The following CMPK1 variants were observed in gnomAD, a reference collection of about 807,000 sequenced individuals.
CMPK1 encodes cytidine/uridine monophosphate kinase 1.
A neutral mutation model predicts 25.7 loss-of-function variants in CMPK1; 10 were observed. The ratio of observed to expected loss-of-function variants is 0.39; its 90% CI spans 0.24 to 0.66. The LOEUF is 0.66. CMPK1 is among the 30% of genes least tolerant of loss of function. The pLI, the probability that CMPK1 is intolerant of heterozygous loss-of-function variation, is 0.48. For missense variants in CMPK1, 199 were observed against 280.5 expected, an observed-to-expected ratio of 0.71 and a Z score of 2.08; for synonymous variants, 106 against 101.5, an observed-to-expected ratio of 1.04 and a Z score of -0.27.
chr1:47,367,305 T>G (rs1338536345), intron 1 of CMPK1, among the ~76,000 whole-genome samples: 1 of 152,260 alleles, frequency 6.6e-6, no homozygotes, highest in Non-Finnish European at 1.5e-5. Context: ...TTTCATTTGC[T>G]GACTACCTTA....
intron 2 of CMPK1, among the ~76,000 whole-genome samples, chr1:47,369,913 T>C (rs1351288593): frequency 4.8e-5 from 7 of 144,424 alleles, no homozygotes; most frequent in Non-Finnish European, 7.6e-5. Flanking sequence ...CTCTCTCTTT[T>C]TTTTTTTTTT....
At chr1:47,350,321 C>T (rs1429047217) in intron 1 of CMPK1, among the ~76,000 whole-genome samples, 1 of 152,048 alleles carries the variant, frequency 6.6e-6, no homozygotes, top group Non-Finnish European at 1.5e-5. Flanking sequence ...ATTGAAGCCT[C>T]TACTTTTCGG....
chr1:47,337,341 A>G (rs1570346957), intron 1 of CMPK1, among the ~76,000 whole-genome samples: 2 of 152,176 alleles, frequency 1.3e-5, no homozygotes, highest in African/African-American at 4.8e-5. Context: ...CACATTCTGC[A>G]ATTATTCTTT....
intron 1 of CMPK1, among the ~76,000 whole-genome samples, chr1:47,367,091 G>A (rs1255580640): frequency 6.6e-6 from 1 of 152,018 alleles, no homozygotes; most frequent in Non-Finnish European, 1.5e-5. Context: ...GGCTGGTCTT[G>A]AACTCCTGGG....
chr1:47,344,245 C>G (rs1361183224), intron 1 of CMPK1, among the ~76,000 whole-genome samples: 1 of 151,992 alleles, frequency 6.6e-6, no homozygotes, highest in East Asian at 1.9e-4. Context: ...TTTAATGAGT[C>G]AGGGAGGGCT....
chr1:47,347,750 C>T (rs902960689), intron 1 of CMPK1, among the ~76,000 whole-genome samples: 8 of 152,140 alleles, frequency 5.3e-5, no homozygotes, highest in South Asian at 2.1e-4. Context: ...CTCAGCCTCC[C>T]GAGTAGCTAG....
intron 5 of CMPK1, 96 bp from the exon 6 acceptor site, chr1:47,376,608 G>A (rs778987835): frequency 2.4e-4 from 174 of 723,622 alleles, no homozygotes; most frequent in Non-Finnish European, 3.7e-4. Flanking sequence ...GAGCCACCGC[G>A]CCCCGCCAAA....
At chr1:47,363,243 G>A (rs1328777850) in intron 1 of CMPK1, among the ~76,000 whole-genome samples, 1 of 152,200 alleles carries the variant, frequency 6.6e-6, no homozygotes, top group Non-Finnish European at 1.5e-5. Flanking sequence ...TGTACTGAAT[G>A]TGTATGCTTT....
chr1:47,364,858 G>T (rs1300287141), intron 1 of CMPK1, among the ~76,000 whole-genome samples: 1 of 151,826 alleles, frequency 6.6e-6, no homozygotes, highest in African/African-American at 2.4e-5. Flanking sequence ...TACATCCTGG[G>T]CTCAAGTTTT....
chr1:47,372,707 G>A (rs1443332818), intron 2 of CMPK1, among the ~76,000 whole-genome samples: 1 of 152,078 alleles, frequency 6.6e-6, no homozygotes, highest in Non-Finnish European at 1.5e-5. Flanking sequence ...AAATGAGGTG[G>A]TTTTGAGAGG....
At chr1:47,346,105 A>G (rs944598628) in intron 1 of CMPK1, among the ~76,000 whole-genome samples, 2 of 151,688 alleles carry the variant, frequency 1.3e-5, no homozygotes, top group Admixed American at 1.3e-4. Context: ...GCTGGAGTGC[A>G]GTGGCTCCAT....
chr1:47,335,731 T>C (rs902666349), intron 1 of CMPK1, among the ~76,000 whole-genome samples: 2 of 152,116 alleles, frequency 1.3e-5, no homozygotes, highest in African/African-American at 4.8e-5. Context: ...TAAAAAAATT[T>C]TTTTTTGTTG....
At chr1:47,359,548 T>A (rs1646587722) in intron 1 of CMPK1, among the ~76,000 whole-genome samples, 1 of 151,162 alleles carries the variant, frequency 6.6e-6, no homozygotes, top group Non-Finnish European at 1.5e-5. Flanking sequence ...CCACCACGCC[T>A]GGCTAATTTT....
chr1:47,358,890 G>A, intron 1 of CMPK1: 1 of 985,268 alleles, frequency 1.0e-6, no homozygotes, highest in Non-Finnish European at 1.2e-6. Context: ...ATACTAAAAT[G>A]TGATTATTTC....
At chr1:47,364,322 T>G (rs1350366741) in intron 1 of CMPK1, among the ~76,000 whole-genome samples, 1 of 152,038 alleles carries the variant, frequency 6.6e-6, no homozygotes, top group Non-Finnish European at 1.5e-5. Flanking sequence ...GGTTTGGTTT[T>G]TTTGTTTGTT....
chr1:47,371,904 C>T (rs1191978367), intron 2 of CMPK1, among the ~76,000 whole-genome samples: 1 of 152,152 alleles, frequency 6.6e-6, no homozygotes, highest in Non-Finnish European at 1.5e-5. Flanking sequence ...TACTTCCTGT[C>T]TTGGTTAATG....
chr1:47,356,382 A>G (rs1646560768), intron 1 of CMPK1, among the ~76,000 whole-genome samples: 1 of 152,112 alleles, frequency 6.6e-6, no homozygotes, highest in African/African-American at 2.4e-5. Flanking sequence ...TTTTTATACC[A>G]GTACCACCCT....
chr1:47,364,715 A>T (rs1312390055), intron 1 of CMPK1, among the ~76,000 whole-genome samples: 2 of 148,480 alleles, frequency 1.3e-5, no homozygotes, highest in Non-Finnish European at 3.0e-5. Context: ...TAAATTGTAT[A>T]ATATATAATA....
intron 1 of CMPK1, among the ~76,000 whole-genome samples, chr1:47,362,463 C>T (rs1646610439): frequency 6.6e-6 from 1 of 151,522 alleles, no homozygotes; most frequent in African/African-American, 2.4e-5. Context: ...CCACCACGCC[C>T]AGCCTGGAGA....
Sources: allele counts gnomAD v4.1 joint callset (sites outside exome capture counted in the v4.1 genomes callset), GRCh38; gene constraint gnomAD v4.1.1; transcripts MANE v1.5; gene names NCBI Gene and HGNC (gene_info 2026-07-23, HGNC 2026-07-21).